The following PXDNL variants were observed in gnomAD, a reference collection of about 807,000 sequenced individuals.
The protein encoded by PXDNL is probable oxidoreductase PXDNL.
A neutral mutation model predicts 150.8 loss-of-function variants in PXDNL; 145 were observed. The ratio of observed to expected loss-of-function variants is 0.96; its 90% CI spans 0.84 to 1.10. PXDNL has a LOEUF of 1.10. Ranked by LOEUF, PXDNL falls within the 50% of genes least tolerant of loss-of-function variation. The pLI, the probability that PXDNL is intolerant of heterozygous loss-of-function variation, is 0.00. For synonymous variants in PXDNL, 757 were observed against 725.7 expected (o/e 1.04, Z -0.69); for missense variants, 2,087 against 1,873.9 (o/e 1.11, Z -2.10).
intron 1 of PXDNL, among the ~76,000 whole-genome samples, chr8:51,793,572 T>C (rs7820936): frequency 0.96 from 146,603 of 152,196 alleles, 70,705 homozygotes; most frequent in East Asian, 1. Flanking sequence ...TAACCCAATG[T>C]AGAGCAGCTA....
intron 1 of PXDNL, among the ~76,000 whole-genome samples, chr8:51,786,507 C>T (rs989524842): frequency 4.2e-4 from 64 of 152,278 alleles, no homozygotes; most frequent in African/African-American, 1.4e-3. Context: ...TGATGACAAC[C>T]CTTCCTCACT....
At chr8:51,544,545 A>G (rs1812310827) in intron 4 of PXDNL, among the ~76,000 whole-genome samples, 1 of 152,200 alleles carries the variant, frequency 6.6e-6, no homozygotes, top group African/African-American at 2.4e-5. Flanking sequence ...AACACATAGA[A>G]AATAACCTAA....
intron 21 of PXDNL, 26 bp from the exon 22 acceptor site, chr8:51,320,923 G>C (rs775228222): frequency 5.1e-6 from 8 of 1,555,410 alleles, no homozygotes; most frequent in Non-Finnish European, 6.2e-6. Flanking sequence ...AAGGAAAGAA[G>C]AGTGGAAATT....
intron 1 of PXDNL, among the ~76,000 whole-genome samples, chr8:51,803,394 CCT>C (rs1179283733): frequency 6.6e-6 from 1 of 152,172 alleles, no homozygotes; most frequent in African/African-American, 2.4e-5. Context: ...AAAAACTCTC[CCT>C]GTCCTTCATA....
chr8:51,435,776 A>T, intron 12 of PXDNL: 1 of 405,942 alleles, frequency 2.5e-6, no homozygotes, highest in Non-Finnish European at 4.9e-6. Flanking sequence ...GTGAAAAAAC[A>T]AGGAATGGAT....
intron 4 of PXDNL, among the ~76,000 whole-genome samples, chr8:51,501,533 CACAT>C (rs1811177322): frequency 1.3e-5 from 2 of 151,970 alleles, no homozygotes; most frequent in Admixed American, 6.6e-5. Context: ...CATACACTCT[CACAT>C]ACACTAACAC....
intron 1 of PXDNL, among the ~76,000 whole-genome samples, chr8:51,689,574 C>CT (rs34938916): frequency 1.1e-4 from 16 of 149,338 alleles, no homozygotes; most frequent in East Asian, 3.9e-4. Context: ...TTATCCGACT[C>CT]TTTTTTTTTT....
chr8:51,562,396 A>G (rs1812736409), intron 3 of PXDNL, among the ~76,000 whole-genome samples: 2 of 152,016 alleles, frequency 1.3e-5, no homozygotes, highest in South Asian at 4.1e-4. Context: ...AAAAAATATT[A>G]TGTGAAATTT....
At chr8:51,435,315 T>A (rs1018656408) in intron 12 of PXDNL, among the ~76,000 whole-genome samples, 10 of 151,918 alleles carry the variant, frequency 6.6e-5, no homozygotes, top group African/African-American at 2.4e-4. Context: ...AGCGAGACTC[T>A]GTCTCAAAAA....
intron 1 of PXDNL, among the ~76,000 whole-genome samples, chr8:51,736,239 G>A (rs548608240): frequency 6.0e-4 from 92 of 152,304 alleles, no homozygotes; most frequent in African/African-American, 2.0e-3. Context: ...TTTGTATAGA[G>A]TGAATGTGCA....
chr8:51,800,446 C>G (rs7013360), intron 1 of PXDNL, among the ~76,000 whole-genome samples: 77,122 of 151,992 alleles, frequency 0.51, 23,673 homozygotes, highest in Non-Finnish European at 0.68. Flanking sequence ...CTGGGAGTAA[C>G]AGGGAGAAGA....
chr8:51,681,341 T>C (rs893606444), intron 1 of PXDNL, among the ~76,000 whole-genome samples: 1 of 152,166 alleles, frequency 6.6e-6, no homozygotes, highest in African/African-American at 2.4e-5. Context: ...ACCCCCACCT[T>C]GCCTATCAGT....
chr8:51,701,981 G>A (rs993243913), intron 1 of PXDNL, among the ~76,000 whole-genome samples: 5 of 152,008 alleles, frequency 3.3e-5, no homozygotes, highest in Admixed American at 2.0e-4. Flanking sequence ...CTTATTTTTT[G>A]TTACAACACT....
chr8:51,513,138 T>C (rs1338696419), intron 4 of PXDNL, among the ~76,000 whole-genome samples: 1 of 152,212 alleles, frequency 6.6e-6, no homozygotes, highest in East Asian at 1.9e-4. Flanking sequence ...GCAGCAGTGT[T>C]GAAGACCTGG....
chr8:51,483,489 G>A (rs145545082), intron 6 of PXDNL, among the ~76,000 whole-genome samples, 154 bp downstream of exon 6: 267 of 152,270 alleles, frequency 1.8e-3, no homozygotes, highest in African/African-American at 6.2e-3. Context: ...GTTCTCTATC[G>A]CTCTGCAGTT....
At chr8:51,565,551 G>A (rs1309484230) in intron 3 of PXDNL, among the ~76,000 whole-genome samples, 1 of 151,498 alleles carries the variant, frequency 6.6e-6, no homozygotes, top group African/African-American at 2.4e-5. Context: ...GTACTTATGT[G>A]TGAATAAGTA....
At chr8:51,532,195 A>G (rs1276265706) in intron 4 of PXDNL, among the ~76,000 whole-genome samples, 2 of 152,230 alleles carry the variant, frequency 1.3e-5, no homozygotes, top group Non-Finnish European at 2.9e-5. Flanking sequence ...TTTTATACTT[A>G]CCACTTGAGA....
chr8:51,751,721 T>G (rs902635037), intron 1 of PXDNL, among the ~76,000 whole-genome samples: 3 of 152,220 alleles, frequency 2.0e-5, no homozygotes, highest in Admixed American at 6.5e-5. Context: ...AGATGTGTGC[T>G]TTAATACTTT....
chr8:51,774,003 T>C (rs1045529333), intron 1 of PXDNL, among the ~76,000 whole-genome samples: 70 of 152,346 alleles, frequency 4.6e-4, no homozygotes, highest in African/African-American at 1.6e-3. Context: ...ATAGTTAATA[T>C]GTAGAATAGA....
Sources: allele counts gnomAD v4.1 joint callset (sites outside exome capture counted in the v4.1 genomes callset), GRCh38; gene constraint gnomAD v4.1.1; transcripts MANE v1.5; gene names NCBI Gene and HGNC (gene_info 2026-07-23, HGNC 2026-07-21).